ADGRL3: variants seen among roughly 807,000 people sequenced by gnomAD.
The protein encoded by ADGRL3 is calcium-independent alpha-latrotoxin receptor 3.
A neutral mutation model predicts 153.5 loss-of-function variants in ADGRL3; 62 were observed. The observed-to-expected ratio is 0.40, with a 90% CI of 0.33 to 0.50. The LOEUF is 0.50. Among genes scored for constraint, ADGRL3 ranks in the 20% least tolerant of loss-of-function variants. The pLI is 0.47. For missense variants in ADGRL3, 1,641 were observed against 1,859.4 expected, an observed-to-expected ratio of 0.88 and a Z score of 2.16; for synonymous variants, 710 against 672.5, an observed-to-expected ratio of 1.06 and a Z score of -0.86.
At chr4:61,428,892 A>G (rs55832503) in intron 2 of ADGRL3, among the ~76,000 whole-genome samples, 1 of 76,258 alleles carries the variant, frequency 1.3e-5, no homozygotes, top group Non-Finnish European at 3.2e-5. Context: ...ATCTATCTAT[A>G]TCATCTATCT....
intron 17 of ADGRL3, among the ~76,000 whole-genome samples, chr4:61,964,467 G>C (rs1414318598): frequency 6.6e-6 from 1 of 152,058 alleles, no homozygotes; most frequent in Non-Finnish European, 1.5e-5. Context: ...AAAGAGAAAT[G>C]TTTAGGCCAG....
intron 5 of ADGRL3, among the ~76,000 whole-genome samples, chr4:61,658,209 T>G (rs1437587061): frequency 6.6e-6 from 1 of 152,172 alleles, no homozygotes; most frequent in Non-Finnish European, 1.5e-5. Flanking sequence ...ATTTTCCACC[T>G]TAAATATTTC....
chr4:61,271,602 G>T (rs899321213), intron 1 of ADGRL3, among the ~76,000 whole-genome samples: 1 of 151,996 alleles, frequency 6.6e-6, no homozygotes, highest in African/African-American at 2.4e-5. Context: ...CTTTGCTGAA[G>T]GCAGCTGTGT....
intron 5 of ADGRL3, among the ~76,000 whole-genome samples, chr4:61,587,770 C>T (rs1387455641): frequency 6.6e-6 from 1 of 151,770 alleles, no homozygotes; most frequent in African/African-American, 2.4e-5. Flanking sequence ...AAGATTTTCT[C>T]CAAATATGGC....
chr4:61,750,706 C>A (rs1335701618), intron 8 of ADGRL3, among the ~76,000 whole-genome samples: 2 of 150,222 alleles, frequency 1.3e-5, no homozygotes, highest in Admixed American at 1.3e-4. Flanking sequence ...AGGAGAATGG[C>A]GTGAACCCGG....
rs570810589 is a variant in ADGRL3 at position 61,766,944 on chromosome 4, G to T, written c.1399+33390G>T. On this transcript the variant is annotated intron_variant, in intron 8 of 26. Coordinates refer to ENST00000683033, the MANE Select transcript of ADGRL3 (RefSeq NM_001387552.1). ...TCTGGTTTTAGGACAGGTAAAATGG[G>T]GGAATTGTAAGGAGAGTTTATAGGC... 2.9e-3 allele frequency among the ~76,000 whole-genome samples: 437 copies of T among 152,154 alleles called. 6 individuals are homozygous for T. Among genetic ancestry groups the T allele is most frequent in the South Asian group, 4.6e-3 (22 of 4,816 alleles).
chr4:61,949,374 G>A, intron 17 of ADGRL3, among the ~76,000 whole-genome samples: 1 of 152,110 alleles, frequency 6.6e-6, no homozygotes, highest in East Asian at 1.9e-4. Context: ...AATATTGTAT[G>A]TCATAAACTA....
chr4:61,428,447 T>C (rs1351246299), intron 2 of ADGRL3, among the ~76,000 whole-genome samples: 2 of 152,152 alleles, frequency 1.3e-5, no homozygotes, highest in African/African-American at 4.8e-5. Flanking sequence ...AAGATAACAT[T>C]AAAGGGAATG....
chr4:61,569,445 C>A (rs1344983151), intron 4 of ADGRL3, among the ~76,000 whole-genome samples: 1 of 152,188 alleles, frequency 6.6e-6, no homozygotes, highest in South Asian at 2.1e-4. Flanking sequence ...CTTCAAACTC[C>A]CAAACCTGCT....
At chr4:61,274,530 C>A (rs572509998) in intron 1 of ADGRL3, among the ~76,000 whole-genome samples, 1 of 152,034 alleles carries the variant, frequency 6.6e-6, no homozygotes, top group Non-Finnish European at 1.5e-5. Context: ...TCAGTAAATG[C>A]GTTGAATAAC....
intron 1 of ADGRL3, among the ~76,000 whole-genome samples, chr4:61,297,617 G>T (rs747161702): frequency 2.0e-5 from 3 of 151,238 alleles, no homozygotes; most frequent in Non-Finnish European, 4.4e-5. Flanking sequence ...GAAGGCACAA[G>T]GTATCCTGGA....
chr4:61,612,227 T>C (rs2091450320), intron 5 of ADGRL3, among the ~76,000 whole-genome samples: 1 of 152,180 alleles, frequency 6.6e-6, no homozygotes. Context: ...ATACAATTCT[T>C]GGCATGATTT....
rs971474455 is a variant in ADGRL3, at chr4:62,074,070, GAATT to G, written c.*3170_*3173del. 3.3e-5 allele frequency: 5 copies of G among 151,094 alleles called. No individual in the cohort carries two copies. Among genetic ancestry groups the G allele is most frequent in the African/African-American group, 1.2e-4 (5 of 41,180 alleles). 9.4% of individuals were successfully genotyped at this position (151,094 alleles called of 1,614,324 possible). A position where few individuals can be genotyped will look rare whatever the true frequency, so the allele number is the denominator to read the frequency against. On this transcript the variant is annotated 3_prime_UTR_variant, in exon 27 of 27. Coordinates refer to ENST00000683033, the MANE Select transcript of ADGRL3 (RefSeq NM_001387552.1). ...TACATTTTCTTATAGAGCTATTGAT[GAATT>G]AATTAATGATTTTTTAATTGTTCTT...
At chr4:62,054,206 A>G (rs1456384306) in intron 25 of ADGRL3, among the ~76,000 whole-genome samples, 1 of 151,738 alleles carries the variant, frequency 6.6e-6, no homozygotes, top group Admixed American at 6.6e-5. Flanking sequence ...CAGACTCAGT[A>G]TTCTTTGAGT....
At chr4:61,875,633 A>G (rs1403210591) in intron 9 of ADGRL3, among the ~76,000 whole-genome samples, 1 of 152,234 alleles carries the variant, frequency 6.6e-6, no homozygotes, top group Non-Finnish European at 1.5e-5. Flanking sequence ...ATAATATTAA[A>G]TAGATTCACT....
chr4:61,720,066 C>A (rs983323347), intron 6 of ADGRL3, among the ~76,000 whole-genome samples: 4 of 148,326 alleles, frequency 2.7e-5, no homozygotes, highest in Non-Finnish European at 5.9e-5. Context: ...AGAAGAGATT[C>A]TTTAGCAAAA....
chr4:61,799,563 T>C lies in ADGRL3; in HGVS notation c.1400-14246T>C, dbSNP rs1435331688. ...TTGCTGACCCCTACTCTATGAAATA[T>C]CTATCAATAGCCCTATGTTATAGAT... is the stretch of plus-strand genomic sequence containing the variant. On this transcript the variant is annotated intron_variant, in intron 8 of 26. Coordinates refer to ENST00000683033, the MANE Select transcript of ADGRL3 (RefSeq NM_001387552.1). Among the ~76,000 whole-genome samples, 82 of 152,140 alleles carry C rather than the reference T, an allele frequency of 5.4e-4. 2 individuals are homozygous for C. The highest frequency in any genetic ancestry group is 2.9e-5 in the Non-Finnish European group (2 of 68,030).
chr4:61,497,220 C>T lies in ADGRL3; in HGVS notation c.-74C>T. On this transcript the variant is annotated 5_prime_UTR_variant, in exon 3 of 27. Coordinates refer to ENST00000683033, the MANE Select transcript of ADGRL3 (RefSeq NM_001387552.1). ...TCAGTCTTGGAATACAGAAGAGAAA[C>T]TAGAAATATACGTATTTTGTTTCAC... 2.4e-6 allele frequency: 2 copies of T among 843,716 alleles called. No individual in the cohort carries two copies. Among genetic ancestry groups the T allele is most frequent in the Non-Finnish European group, 1.9e-6 (1 of 524,004 alleles). 52.3% of individuals were successfully genotyped at this position (843,716 alleles called of 1,614,324 possible). A position where few individuals can be genotyped will look rare whatever the true frequency, so the allele number is the denominator to read the frequency against.
chr4:61,999,490 T>A (rs967308027), intron 21 of ADGRL3, among the ~76,000 whole-genome samples: 1 of 152,232 alleles, frequency 6.6e-6, no homozygotes, highest in African/African-American at 2.4e-5. Flanking sequence ...AGATATGATA[T>A]ATTAAATTGC....
Sources: allele counts gnomAD v4.1 joint callset (sites outside exome capture counted in the v4.1 genomes callset), GRCh38; gene constraint gnomAD v4.1.1; transcripts MANE v1.5; gene names NCBI Gene and HGNC (gene_info 2026-07-23, HGNC 2026-07-21).